The following RHOU variants were observed in gnomAD, a reference collection of about 807,000 sequenced individuals.
The protein encoded by RHOU is ras homolog family member U, also known as rho-related GTP-binding protein RhoU.
In RHOU, 8 loss-of-function variants were observed where a neutral mutation model predicts 12.6. The ratio of observed to expected loss-of-function variants is 0.64; its 90% CI spans 0.37 to 1.15. The LOEUF (loss-of-function observed/expected upper bound fraction) is 1.15. RHOU is among the 50% of genes most tolerant of loss of function. The pLI is 0.01. For missense variants in RHOU, 258 were observed against 347.0 expected, an observed-to-expected ratio of 0.74 and a Z score of 2.04; for synonymous variants, 161 against 147.4, an observed-to-expected ratio of 1.09 and a Z score of -0.67.
chr1:228,736,043 C>A, intron 1 of RHOU, 39 bp downstream of exon 1: 6 of 1,557,204 alleles, frequency 3.9e-6, no homozygotes, highest in Non-Finnish European at 5.2e-6. Flanking sequence ...GGCGCGTGGC[C>A]GCGGTCCACC....
chr1:228,680,067 T>G, the RHOU span, among the ~76,000 whole-genome samples: 1 of 152,156 alleles, frequency 6.6e-6, no homozygotes, highest in South Asian at 2.1e-4. Context: ...ACAACAGTTA[T>G]GGAGGCAAGG....
chr1:228,706,125 G>A, the RHOU span, among the ~76,000 whole-genome samples: 2 of 152,158 alleles, frequency 1.3e-5, no homozygotes, highest in African/African-American at 2.4e-5. Context: ...GAATCTGAGA[G>A]AGAATTCACC....
At chr1:228,660,404 A>G in the RHOU span, among the ~76,000 whole-genome samples, 24,982 of 151,880 alleles carry the variant, frequency 0.16, 2,315 homozygotes, top group East Asian at 0.35. Flanking sequence ...TATTTAGATA[A>G]CTAATATTAA....
chr1:228,676,103 AG>A, the RHOU span, among the ~76,000 whole-genome samples: 1 of 151,868 alleles, frequency 6.6e-6, no homozygotes, highest in African/African-American at 2.4e-5. Context: ...TTTAGTTCCA[AG>A]GGGAGTGAGC....
chr1:228,738,873 T>C lies in RHOU; in HGVS notation c.321+1142T>C, dbSNP rs1662665662. Among the ~76,000 whole-genome samples the C allele has an allele frequency of 6.6e-6, 1 of 152,054 alleles. No individual in the cohort carries two copies. The highest frequency in any genetic ancestry group is 2.4e-5 in the African/African-American group (1 of 41,390). On this transcript the variant is annotated intron_variant, in intron 2 of 2. Coordinates refer to ENST00000366691, the MANE Select transcript of RHOU (RefSeq NM_021205.6). This position sits in a 1 kb window ranked among gnomAD's most constrained non-coding sequence, Gnocchi z 4.2. Reference sequence around the variant, plus strand: ...GGCTGGGTGTGGTGGCTCATGCTCTTTGGGAGGCTGAGGTGGGAGGATTGC... The same window carrying C: ...GGCTGGGTGTGGTGGCTCATGCTCTCTGGGAGGCTGAGGTGGGAGGATTGC...
chr1:228,668,352 G>A, the RHOU span, among the ~76,000 whole-genome samples: 1 of 152,222 alleles, frequency 6.6e-6, no homozygotes, highest in Non-Finnish European at 1.5e-5. Context: ...AAAGAGGGTT[G>A]TGGAAATCCC....
chr1:228,688,190 C>A, the RHOU span, among the ~76,000 whole-genome samples: 1 of 152,176 alleles, frequency 6.6e-6, no homozygotes, highest in Non-Finnish European at 1.5e-5. Flanking sequence ...TTTTCTGGAA[C>A]TGTAGCTGGA....
chr1:228,742,830 T>C (rs997668332), intron 2 of RHOU, among the ~76,000 whole-genome samples: 1 of 152,168 alleles, frequency 6.6e-6, no homozygotes, highest in Non-Finnish European at 1.5e-5. Context: ...AGAGAGGAGC[T>C]GTGTTCGTAG....
At chr1:228,707,780 C>T in the RHOU span, among the ~76,000 whole-genome samples, 2 of 152,226 alleles carry the variant, frequency 1.3e-5, no homozygotes, top group Non-Finnish European at 2.9e-5. Context: ...TGCAGTTCCT[C>T]ACCAGCAACG....
chr1:228,737,810 G>A lies in RHOU; in HGVS notation c.321+79G>A. 1 of 1,441,032 alleles carries A rather than the reference G, an allele frequency of 6.9e-7. No homozygotes were observed. The highest frequency in any genetic ancestry group is 1.4e-5 in the African/African-American group (1 of 71,718). The allele number at this position is 1,441,032 out of a possible 1,614,324, so 89.3% of individuals were successfully genotyped here. ...TTCCAAATAACCTTTGATTCCCTCAGTCAGTAACTGGGTCATTCTAAAGCC... is the reference window on the plus strand; with the variant it reads ...TTCCAAATAACCTTTGATTCCCTCAATCAGTAACTGGGTCATTCTAAAGCC... On this transcript the variant is annotated intron_variant, in intron 2 of 2. Transcript: ENST00000366691. The surrounding 1 kb of genome is among the most constrained non-coding windows in gnomAD (Gnocchi z 4.1).
intron 2 of RHOU, among the ~76,000 whole-genome samples, chr1:228,740,305 T>A (rs555701288): frequency 6.6e-6 from 1 of 152,308 alleles, no homozygotes; most frequent in South Asian, 2.1e-4. Flanking sequence ...TCAATGAGAT[T>A]TACTGTATTT....
chr1:228,660,354 T>TAA, the RHOU span, among the ~76,000 whole-genome samples: 1 of 114,632 alleles, frequency 8.7e-6, no homozygotes, highest in Non-Finnish European at 2.0e-5. Context: ...CCGAAAAAAA[T>TAA]AAAAAAAAAA....
At chr1:228,666,634 G>A in the RHOU span, among the ~76,000 whole-genome samples, 3 of 152,140 alleles carry the variant, frequency 2.0e-5, no homozygotes, top group South Asian at 6.2e-4. Context: ...AGGGTGGTGT[G>A]GCAGCCCCTG....
At chr1:228,703,281 C>T in the RHOU span, among the ~76,000 whole-genome samples, 1 of 152,098 alleles carries the variant, frequency 6.6e-6, no homozygotes, top group Non-Finnish European at 1.5e-5. Flanking sequence ...AATCCCAGCA[C>T]TTTGGGAGGC....
the RHOU span, among the ~76,000 whole-genome samples, chr1:228,722,953 C>T: frequency 0.021 from 3,191 of 152,250 alleles, 52 homozygotes; most frequent in African/African-American, 0.041. Flanking sequence ...AACTCAAGAC[C>T]CAATGCTCCA....
chr1:228,665,706 G>C, the RHOU span, among the ~76,000 whole-genome samples: 1 of 152,182 alleles, frequency 6.6e-6, no homozygotes, highest in Non-Finnish European at 1.5e-5. Context: ...AGAATAAAGA[G>C]CAAATTTGTC....
At chr1:228,651,704 C>G in the RHOU span, among the ~76,000 whole-genome samples, 1 of 152,192 alleles carries the variant, frequency 6.6e-6, no homozygotes, top group Admixed American at 6.5e-5. Context: ...ATACCTGCAG[C>G]AACATGGGAG....
the RHOU span, among the ~76,000 whole-genome samples, chr1:228,659,799 C>T: frequency 1.3e-5 from 2 of 151,774 alleles, no homozygotes; most frequent in South Asian, 4.2e-4. Context: ...GCCTGGCCAA[C>T]ATGGTGAAAC....
chr1:228,676,549 C>T, the RHOU span, among the ~76,000 whole-genome samples: 5 of 152,146 alleles, frequency 3.3e-5, no homozygotes, highest in African/African-American at 7.2e-5. Context: ...CTCTATCTCT[C>T]TCTATATATT....
Sources: allele counts gnomAD v4.1 joint callset (sites outside exome capture counted in the v4.1 genomes callset), GRCh38; gene constraint gnomAD v4.1.1; non-coding constraint Gnocchi (gnomAD v3.1); transcripts MANE v1.5; gene names NCBI Gene and HGNC (gene_info 2026-07-23, HGNC 2026-07-21).